The following CMC1 variants were observed in gnomAD, a reference collection of about 807,000 sequenced individuals.
CMC1 encodes COX assembly mitochondrial protein homolog.
Under a neutral mutation model 14.1 loss-of-function variants are expected in CMC1, and 14 were observed. That is an observed-to-expected ratio of 0.99 (90% CI 0.66 to 1.55). CMC1 has a LOEUF of 1.55. Ranked by LOEUF, CMC1 falls within the 40% of genes most tolerant of loss-of-function variation. CMC1 has a pLI of 0.00. For missense variants in CMC1, 127 were observed against 123.8 expected (o/e 1.03, Z -0.12); for synonymous variants, 50 against 38.4 (o/e 1.30, Z -1.12).
At chr3:28,300,014 G>A (rs1217332176) in intron 2 of CMC1, among the ~76,000 whole-genome samples, 4 of 152,208 alleles carry the variant, frequency 2.6e-5, no homozygotes, top group East Asian at 1.9e-4. Flanking sequence ...TGAAAGCATC[G>A]ATTTGCCTTG....
At chr3:28,244,725 CAAA>C (rs558381085) in intron 1 of CMC1, among the ~76,000 whole-genome samples, 4 of 115,838 alleles carry the variant, frequency 3.5e-5, no homozygotes, top group Non-Finnish European at 3.7e-5. Context: ...GACTTCGTCT[CAAA>C]AAAAAAAAAA....
intron 2 of CMC1, among the ~76,000 whole-genome samples, chr3:28,289,965 A>G (rs1701386074): frequency 6.6e-6 from 1 of 152,146 alleles, no homozygotes; most frequent in Non-Finnish European, 1.5e-5. Flanking sequence ...GCTAAAGTTT[A>G]TGTAAATGTT....
intron 2 of CMC1, among the ~76,000 whole-genome samples, chr3:28,304,302 G>T (rs1702197048): frequency 6.6e-6 from 1 of 151,454 alleles, no homozygotes; most frequent in African/African-American, 2.4e-5. Flanking sequence ...TTTGTCACTG[G>T]ATTTTTTTTT....
intron 1 of CMC1, among the ~76,000 whole-genome samples, chr3:28,258,283 TAAAC>T (rs1699529904): frequency 6.6e-6 from 1 of 151,596 alleles, no homozygotes; most frequent in Admixed American, 6.6e-5. Context: ...TGTCTTTTGA[TAAAC>T]AAATGATTTC....
At chr3:28,317,325 T>C (rs557239999) in intron 3 of CMC1, 57 of 152,130 alleles carry the variant, frequency 3.7e-4, no homozygotes, top group African/African-American at 1.4e-3. Flanking sequence ...TGATGAAACA[T>C]AATCAATATT....
intron 2 of CMC1, among the ~76,000 whole-genome samples, chr3:28,290,242 T>A (rs899635163): frequency 1.3e-5 from 2 of 151,844 alleles, no homozygotes; most frequent in Admixed American, 6.6e-5. Flanking sequence ...TCTTTAAAAA[T>A]TTTTTTTTGA....
intron 2 of CMC1, among the ~76,000 whole-genome samples, chr3:28,281,467 T>G (rs772164484): frequency 9.2e-5 from 14 of 152,196 alleles, no homozygotes; most frequent in Non-Finnish European, 1.8e-4. Flanking sequence ...TTTTAAAACT[T>G]CTGATATTGC....
chr3:28,251,652 C>T (rs563348414), intron 1 of CMC1, among the ~76,000 whole-genome samples: 2 of 152,284 alleles, frequency 1.3e-5, no homozygotes, highest in Non-Finnish European at 2.9e-5. Flanking sequence ...AAGTGAAAAA[C>T]CCTTCAATAT....
intron 2 of CMC1, among the ~76,000 whole-genome samples, chr3:28,284,985 A>G (rs2125531044): frequency 6.6e-6 from 1 of 152,268 alleles, no homozygotes; most frequent in Non-Finnish European, 1.5e-5. Context: ...CTTCTTTAGC[A>G]GCTTCTTCCT....
chr3:28,280,553 G>A (rs1469307883), intron 2 of CMC1, among the ~76,000 whole-genome samples: 1 of 152,116 alleles, frequency 6.6e-6, no homozygotes. Context: ...AGCATGAAAG[G>A]AGCTTGTATT....
At chr3:28,246,133 G>A (rs1321764878) in intron 1 of CMC1, among the ~76,000 whole-genome samples, 8 of 151,384 alleles carry the variant, frequency 5.3e-5, no homozygotes, top group South Asian at 2.1e-4. Context: ...TATTATTGCC[G>A]CCATATCTCT....
intron 2 of CMC1, among the ~76,000 whole-genome samples, chr3:28,289,108 GTTTTT>G (rs879794518): frequency 3.8e-4 from 57 of 150,462 alleles, no homozygotes; most frequent in African/African-American, 1.4e-3. Flanking sequence ...GTTCTTTGAG[GTTTTT>G]TTTAAGTTTT....
intron 2 of CMC1, among the ~76,000 whole-genome samples, chr3:28,304,432 T>A (rs949747029): frequency 5.3e-5 from 8 of 152,104 alleles, no homozygotes; most frequent in Non-Finnish European, 1.0e-4. Flanking sequence ...AAATAAAAGC[T>A]ATGTTTAATG....
chr3:28,295,430 G>A (rs1463079336), intron 2 of CMC1, among the ~76,000 whole-genome samples: 1 of 151,962 alleles, frequency 6.6e-6, no homozygotes, highest in Non-Finnish European at 1.5e-5. Flanking sequence ...CACATCACTG[G>A]CTATAAAAAC....
At chr3:28,319,010 C>T in intron 3 of CMC1, 1 of 288,738 alleles carries the variant, frequency 3.5e-6, no homozygotes, top group Non-Finnish European at 7.0e-6. Context: ...CTCCTATGTG[C>T]ATAATCTGCT....
intron 2 of CMC1, among the ~76,000 whole-genome samples, chr3:28,284,196 A>C (rs1701051168): frequency 6.6e-6 from 1 of 152,120 alleles, no homozygotes; most frequent in Non-Finnish European, 1.5e-5. Flanking sequence ...ATTAGTACCC[A>C]GTGATTTTCA....
At chr3:28,272,592 C>T (rs977882219) in intron 2 of CMC1, among the ~76,000 whole-genome samples, 7 of 152,082 alleles carry the variant, frequency 4.6e-5, no homozygotes, top group South Asian at 2.1e-4. Flanking sequence ...GGTGGATAAA[C>T]GTCTTGATGT....
intron 2 of CMC1, among the ~76,000 whole-genome samples, chr3:28,300,765 A>G (rs972792971): frequency 3.6e-5 from 5 of 138,432 alleles, no homozygotes; most frequent in African/African-American, 1.4e-4. Context: ...TTTTTTTTTC[A>G]TAATATTCTG....
rs760748005 is a variant in CMC1, at chr3:28,324,806, T to C, written c.*5177T>C. The stretch of plus-strand genomic sequence containing the variant: ...GAAACTAATACAGTTAAAATACAAA[T>C]AAAGATCCTGTTCTTGGCTCTTATT... On this transcript the variant is annotated 3_prime_UTR_variant, in exon 4 of 4. Transcript: ENST00000466830. 2 of 170,064 alleles carry C rather than the reference T, an allele frequency of 1.2e-5. No individual in the cohort carries two copies. The highest frequency in any genetic ancestry group is 2.5e-5 in the Non-Finnish European group (2 of 80,390). The allele number at this position is 170,064 out of a possible 1,614,324, so 10.5% of individuals were successfully genotyped here. A position where few individuals can be genotyped will look rare whatever the true frequency, so the allele number is the denominator to read the frequency against.
Sources: gnomAD v4.1 joint callset for allele counts (sites outside exome capture counted in the v4.1 genomes callset) on GRCh38, gnomAD v4.1.1 for gene constraint, MANE v1.5 for transcripts, NCBI Gene and HGNC (gene_info 2026-07-23, HGNC 2026-07-21) for gene names.